The following GABRA1 variants were observed in gnomAD, a reference collection of about 807,000 sequenced individuals.
The protein encoded by GABRA1 is gamma-aminobutyric acid type A receptor subunit alpha1.
In GABRA1, 9 loss-of-function variants were observed where a neutral mutation model predicts 48.9. The ratio of observed to expected loss-of-function variants is 0.18; its 90% CI spans 0.11 to 0.32. GABRA1 has a LOEUF of 0.32. Among genes scored for constraint, GABRA1 ranks in the 10% least tolerant of loss-of-function variants. The probability of loss-of-function intolerance (pLI) is 1.00; values close to 1 mark genes in which losing one functional copy is unlikely to be tolerated. For synonymous variants in GABRA1, 210 were observed against 198.7 expected, an observed-to-expected ratio of 1.06 and a Z score of -0.48; for missense variants, 285 against 553.8, an observed-to-expected ratio of 0.51 and a Z score of 4.87.
chr5:161,897,505 A>G lies in GABRA1; in HGVS notation c.*83A>G. On this transcript the variant is annotated 3_prime_UTR_variant, in exon 10 of 10. Coordinates refer to ENST00000393943, the MANE Select transcript of GABRA1 (RefSeq NM_001127644.2). The stretch of plus-strand genomic sequence containing the variant: ...CAACGCAGTAATTCCCATCTGCTTT[A>G]TTGCCTCTGTCTTAAAGAATTTGAA... 8.0e-7 allele frequency: 1 copy of G among 1,251,822 alleles called. No homozygotes were observed. Among genetic ancestry groups the G allele is most frequent in the African/African-American group, 1.5e-5 (1 of 67,662 alleles). The allele number at this position is 1,251,822 out of a possible 1,614,324, so 77.5% of individuals were successfully genotyped here. A position where few individuals can be genotyped will look rare whatever the true frequency, so the allele number is the denominator to read the frequency against.
At chr5:161,883,899 G>T (rs1322057889) in intron 7 of GABRA1, among the ~76,000 whole-genome samples, 2 of 151,922 alleles carry the variant, frequency 1.3e-5, no homozygotes, top group African/African-American at 2.4e-5. Flanking sequence ...TTAAAAAATG[G>T]AAACTGTTTC....
chr5:161,881,107 A>G (rs1018381820), intron 6 of GABRA1, among the ~76,000 whole-genome samples: 11 of 152,288 alleles, frequency 7.2e-5, no homozygotes, highest in African/African-American at 2.4e-4. Context: ...TGGCCTCCTA[A>G]AAGTATTGAG....
At chr5:161,863,145 T>C (rs920367117) in intron 3 of GABRA1, among the ~76,000 whole-genome samples, 1 of 151,902 alleles carries the variant, frequency 6.6e-6, no homozygotes, top group African/African-American at 2.4e-5. Context: ...GGATGTAATA[T>C]ATAGTATTTG....
At chr5:161,857,038 C>T (rs1402490508) in intron 3 of GABRA1, among the ~76,000 whole-genome samples, 2 of 151,014 alleles carry the variant, frequency 1.3e-5, no homozygotes, top group African/African-American at 4.8e-5. Flanking sequence ...ACAGACCCTC[C>T]CTTTTTACTT....
chr5:161,890,692 C>T (rs952445773), intron 7 of GABRA1, among the ~76,000 whole-genome samples: 6 of 152,054 alleles, frequency 3.9e-5, no homozygotes, highest in African/African-American at 1.4e-4. Flanking sequence ...ACTCTGGCAC[C>T]TCAGTCTCAT....
rs1755537368 is a variant in GABRA1 at position 161,899,850 on chromosome 5, T to C, written c.*2428T>C. 6.6e-6 allele frequency: 1 copy of C among 152,212 alleles called. No individual in the cohort carries two copies. Among genetic ancestry groups the C allele is most frequent in the Non-Finnish European group, 1.5e-5 (1 of 68,014 alleles). The allele number at this position is 152,212 out of a possible 1,614,324, so 9.4% of individuals were successfully genotyped here. ...AAACCTAACATGAATCAAGGTTGTT[T>C]ATGGCAGATGCATGTGTTGCTTTAC... On this transcript the variant is annotated 3_prime_UTR_variant, in exon 10 of 10. Coordinates refer to ENST00000393943, the MANE Select transcript of GABRA1 (RefSeq NM_001127644.2).
At chr5:161,877,072 C>T (rs899581928) in intron 6 of GABRA1, among the ~76,000 whole-genome samples, 4 of 152,066 alleles carry the variant, frequency 2.6e-5, no homozygotes, top group Non-Finnish European at 5.9e-5. Flanking sequence ...GTACCCAGGA[C>T]TACATACATG....
intron 4 of GABRA1, 41 bp from the exon 5 acceptor site, chr5:161,873,076 A>G: frequency 2.1e-6 from 3 of 1,451,744 alleles, no homozygotes; most frequent in South Asian, 2.3e-5. Flanking sequence ...ATTGCAAAAT[A>G]CAGCACAGTG....
At position 161,857,700 on chromosome 5, in the gene GABRA1, T is replaced by C. The variant is rs376020018; in HGVS notation, c.187+3430T>C. On this transcript the variant is annotated intron_variant, in intron 3 of 9. Coordinates refer to ENST00000393943, the MANE Select transcript of GABRA1 (RefSeq NM_001127644.2). ...TAAAGAGAAAAATAAGATAGCTATG[T>C]TCATAATTTAAGTGCAATGTCAATG... Among the ~76,000 whole-genome samples, 115 of 151,770 alleles carry C rather than the reference T, an allele frequency of 7.6e-4. No homozygotes were observed. In the South Asian group the frequency reaches 0.023, roughly 30 times the overall value.
Position 161,897,411 on chromosome 5 carries a change from C to T in GABRA1, c.1360C>T (p.Pro454Ser), listed in dbSNP as rs773012684. The change falls in exon 10 of 10, where the codon CCA becomes TCA. Residue 454 changes from proline to serine, a missense_variant. By Grantham distance (74) the Pro-to-Ser change is moderately conservative. Coordinates refer to ENST00000393943, the MANE Select transcript of GABRA1 (RefSeq NM_001127644.2). ...AGAGCCTCAGCTAAAAGCCCCCACA[C>T]CACATCAATAGATCTTTTACTCACA... ...NREPQLKAPT[P>S]HQ The T allele has an allele frequency of 1.4e-5, 22 of 1,613,418 alleles. No individual in the cohort carries two copies. The South Asian group carries it at 2.2e-4, about 16-fold the overall frequency.
chr5:161,850,705 G>A (rs900002432), intron 1 of GABRA1, 91 bp from the exon 2 acceptor site: 17 of 1,014,034 alleles, frequency 1.7e-5, no homozygotes, highest in Middle Eastern at 4.1e-4. Flanking sequence ...TGACTTCAAA[G>A]CATTCATCTA....
At chr5:161,882,054 C>A in intron 6 of GABRA1, 1 of 158,470 alleles carries the variant, frequency 6.3e-6, no homozygotes, top group Non-Finnish European at 1.4e-5. Context: ...AACTCTTCCC[C>A]AAGATTTTCA....
rs1755510679 is a variant in GABRA1, at chr5:161,899,252, C to T, written c.*1830C>T. 1 of 152,486 alleles carries T rather than the reference C, an allele frequency of 6.6e-6. No homozygotes were observed. 9.4% of individuals were successfully genotyped at this position (152,486 alleles called of 1,614,324 possible). A position where few individuals can be genotyped will look rare whatever the true frequency, so the allele number is the denominator to read the frequency against. ...ATATAGGAAAATACATTGTGTTTTC[C>T]TAAACACACTTTTCTTTTTAAATGT... On this transcript the variant is annotated 3_prime_UTR_variant, in exon 10 of 10. Coordinates refer to ENST00000393943, the MANE Select transcript of GABRA1 (RefSeq NM_001127644.2).
At chr5:161,854,009 A>G (rs1203464505) in intron 2 of GABRA1, 149 bp from the exon 3 acceptor site, 6 of 517,628 alleles carry the variant, frequency 1.2e-5, no homozygotes, top group African/African-American at 7.8e-5. Flanking sequence ...GTTTAAAAAT[A>G]ACATTCCTTT....
chr5:161,862,896 C>G (rs1472627199), intron 3 of GABRA1, among the ~76,000 whole-genome samples: 1 of 151,802 alleles, frequency 6.6e-6, no homozygotes, highest in Non-Finnish European at 1.5e-5. Context: ...AGTATTGCAC[C>G]TAAAATCACA....
At chr5:161,874,157 A>G in intron 5 of GABRA1, among the ~76,000 whole-genome samples, 1 of 152,136 alleles carries the variant, frequency 6.6e-6, no homozygotes, top group East Asian at 1.9e-4. Context: ...CTTTGGTACA[A>G]AAAGGTAATA....
Position 161,882,996 on chromosome 5 carries a change from A to G in GABRA1, c.703+295A>G, listed in dbSNP as rs12658807. On this transcript the variant is annotated intron_variant, in intron 7 of 9. Transcript: ENST00000393943. ...ACTCTTAGAGATGAACATCTGGGTT[A>G]AATCCTTATTCCCCAACCTTGTCAG... Among the ~76,000 whole-genome samples, 10,951 of 152,228 alleles carry G rather than the reference A, an allele frequency of 0.072. 450 individuals are homozygous for G. Among genetic ancestry groups the G allele is most frequent in the South Asian group, 0.12 (564 of 4,826 alleles).
chr5:161,870,673 A>G (rs923486098), intron 4 of GABRA1, among the ~76,000 whole-genome samples: 2 of 152,102 alleles, frequency 1.3e-5, no homozygotes, highest in African/African-American at 4.8e-5. Context: ...AAACAGAAAA[A>G]GAGGGGGTTC....
intron 8 of GABRA1, among the ~76,000 whole-genome samples, chr5:161,892,632 A>G (rs570324170): frequency 3.3e-5 from 5 of 152,282 alleles, no homozygotes; most frequent in Admixed American, 2.0e-4. Context: ...TAAGATGCTT[A>G]TATCTGTATG....
Sources: allele counts gnomAD v4.1 joint callset (sites outside exome capture counted in the v4.1 genomes callset), GRCh38; gene constraint gnomAD v4.1.1; transcripts MANE v1.5; gene names NCBI Gene and HGNC (gene_info 2026-07-23, HGNC 2026-07-21).